TAFA1: variants seen among roughly 807,000 people sequenced by gnomAD.
The protein encoded by TAFA1 is chemokine-like protein TAFA-1.
TAFA1 carries 4 observed loss-of-function variants against 18.5 expected under a neutral mutation model. The ratio of observed to expected loss-of-function variants is 0.22; its 90% confidence interval spans 0.11 to 0.49. TAFA1 has a LOEUF of 0.49. TAFA1 is among the 20% of genes least tolerant of loss of function. The pLI is 0.98. For synonymous variants in TAFA1, 56 were observed against 55.2 expected (o/e 1.01, Z -0.06); for missense variants, 147 against 169.0 (o/e 0.87, Z 0.72).
intron 2 of TAFA1, chr3:68,247,683 A>G (rs1207649958): frequency 1.3e-5 from 2 of 152,264 alleles, no homozygotes; most frequent in African/African-American, 4.8e-5. Context: ...ATCTGAATGC[A>G]GTCCTGTATG....
At chr3:68,324,987 TG>T (rs2068754146) in intron 2 of TAFA1, among the ~76,000 whole-genome samples, 1 of 152,124 alleles carries the variant, frequency 6.6e-6, no homozygotes. Flanking sequence ...TTGTCTAATG[TG>T]GGTGGGTATT....
chr3:68,062,269 C>T (rs929414438), intron 2 of TAFA1, among the ~76,000 whole-genome samples: 3 of 152,134 alleles, frequency 2.0e-5, no homozygotes, highest in African/African-American at 7.2e-5. Flanking sequence ...GAAACTGAAG[C>T]TCCTATGCTT....
chr3:68,439,360 G>A (rs535841523), intron 3 of TAFA1, among the ~76,000 whole-genome samples: 10 of 141,002 alleles, frequency 7.1e-5, no homozygotes, highest in African/African-American at 2.1e-4. Context: ...CTACAAAGCT[G>A]TATTAGTCAG....
chr3:68,237,988 A>ATT (rs575458202), intron 2 of TAFA1, among the ~76,000 whole-genome samples: 2 of 143,036 alleles, frequency 1.4e-5, no homozygotes, highest in Non-Finnish European at 3.1e-5. Context: ...GCTTTTTGTT[A>ATT]TTTTTTTTTT....
chr3:68,267,951 T>C (rs2067581111), intron 2 of TAFA1, among the ~76,000 whole-genome samples: 1 of 152,176 alleles, frequency 6.6e-6, no homozygotes, highest in Admixed American at 6.5e-5. Context: ...CTGGCAAAGA[T>C]AACTTAGTTC....
intron 2 of TAFA1, among the ~76,000 whole-genome samples, chr3:68,296,468 T>C (rs2068209510): frequency 6.6e-6 from 1 of 152,150 alleles, no homozygotes; most frequent in South Asian, 2.1e-4. Flanking sequence ...GGTGTTTTCA[T>C]GCTAAGCAGC....
chr3:68,077,977 T>C (rs1195317419), intron 2 of TAFA1, among the ~76,000 whole-genome samples: 1 of 152,150 alleles, frequency 6.6e-6, no homozygotes, highest in African/African-American at 2.4e-5. Flanking sequence ...GTATCCTCTT[T>C]TATTTCATTG....
chr3:68,031,662 C>T (rs1465469991), intron 2 of TAFA1, among the ~76,000 whole-genome samples: 3 of 151,858 alleles, frequency 2.0e-5, no homozygotes, highest in East Asian at 3.9e-4. Context: ...GCAGAGTGGC[C>T]GGTAATTAAA....
intron 3 of TAFA1, among the ~76,000 whole-genome samples, chr3:68,460,120 T>A (rs2071747571): frequency 6.7e-6 from 1 of 149,776 alleles, no homozygotes; most frequent in South Asian, 2.1e-4. Context: ...AATGAGGCTT[T>A]AAAAAAAAAA....
At chr3:68,510,550 C>T (rs1340500998) in intron 3 of TAFA1, among the ~76,000 whole-genome samples, 4 of 152,092 alleles carry the variant, frequency 2.6e-5, no homozygotes, top group Admixed American at 6.6e-5. Flanking sequence ...TGTTTTGGGG[C>T]AAAAGCCTGA....
chr3:68,078,498 T>G (rs1187686901), intron 2 of TAFA1, among the ~76,000 whole-genome samples: 1 of 152,164 alleles, frequency 6.6e-6, no homozygotes, highest in Non-Finnish European at 1.5e-5. Context: ...AATACCTAAT[T>G]TATTGAGAGT....
intron 2 of TAFA1, among the ~76,000 whole-genome samples, chr3:68,061,314 G>T (rs1173049837): frequency 5.3e-5 from 8 of 152,170 alleles, no homozygotes; most frequent in Non-Finnish European, 4.4e-5. Context: ...AACAATTATG[G>T]TGCTTGATAA....
At chr3:68,168,728 C>T (rs1327623217) in intron 2 of TAFA1, among the ~76,000 whole-genome samples, 2 of 152,178 alleles carry the variant, frequency 1.3e-5, no homozygotes, top group Non-Finnish European at 2.9e-5. Flanking sequence ...TTGCTTTTGA[C>T]CTCAGCAATT....
chr3:68,235,721 A>G (rs116432917), intron 2 of TAFA1, among the ~76,000 whole-genome samples: 3,474 of 152,242 alleles, frequency 0.023, 79 homozygotes, highest in Non-Finnish European at 0.027. Flanking sequence ...TGAGACTCAG[A>G]CCTGGAACCT....
Position 68,154,342 on chromosome 3 carries a change from C to T in TAFA1, c.118+147598C>T, listed in dbSNP as rs116539635. Among the ~76,000 whole-genome samples the T allele has an allele frequency of 8.8e-3, 1,342 of 152,266 alleles. 24 individuals are homozygous for T. Among genetic ancestry groups the T allele is most frequent in the African/African-American group, 0.03 (1,264 of 41,556 alleles). On this transcript the variant is annotated intron_variant, in intron 2 of 4. Coordinates refer to ENST00000478136, the MANE Select transcript of TAFA1 (RefSeq NM_213609.4). ...CCTACAAGATCCACCTGCAAGATCC[C>T]ACCTTTACTGCAGGGAAAACTGATA...
chr3:68,097,755 A>G (rs1355788093), intron 2 of TAFA1, among the ~76,000 whole-genome samples: 1 of 152,118 alleles, frequency 6.6e-6, no homozygotes, highest in African/African-American at 2.4e-5. Context: ...ATGCACAATA[A>G]AATAGATTAA....
chr3:68,282,036 CCTT>C (rs2067907766), intron 2 of TAFA1, among the ~76,000 whole-genome samples: 1 of 152,088 alleles, frequency 6.6e-6, no homozygotes, highest in Non-Finnish European at 1.5e-5. Context: ...GCAAACATGT[CCTT>C]CTTCACAAGG....
At chr3:68,082,169 G>A (rs992239282) in intron 2 of TAFA1, among the ~76,000 whole-genome samples, 3 of 143,404 alleles carry the variant, frequency 2.1e-5, no homozygotes, top group East Asian at 1.9e-4. Context: ...ACCCTGCTTC[G>A]GCTCGCGCAT....
At position 68,140,055 on chromosome 3, in the gene TAFA1, C is replaced by T. The variant is rs143677220; in HGVS notation, c.118+133311C>T. Among the ~76,000 whole-genome samples, 449 of 152,242 alleles carry T rather than the reference C, an allele frequency of 2.9e-3. 4 individuals are homozygous for T. The highest frequency in any genetic ancestry group is 3.9e-3 in the Non-Finnish European group (264 of 68,016). ...CACCCAAGTTGGCTTTCCTGTGGTT[C>T]GTTGTGCTCAGTTTCACTCTTGCAT... On this transcript the variant is annotated intron_variant, in intron 2 of 4. Transcript: ENST00000478136.
Sources: gnomAD v4.1 joint callset for allele counts (sites outside exome capture counted in the v4.1 genomes callset) on GRCh38, gnomAD v4.1.1 for gene constraint, MANE v1.5 for transcripts, NCBI Gene and HGNC (gene_info 2026-07-23, HGNC 2026-07-21) for gene names.